Variants in TAFA1 observed in about 807,000 individuals in gnomAD.
TAFA1 encodes the protein TAFA chemokine like family member 1.
Under a neutral mutation model 18.5 loss-of-function variants are expected in TAFA1, and 4 were observed. That is an observed-to-expected ratio of 0.22 (90% confidence interval 0.11 to 0.49). The LOEUF (loss-of-function observed/expected upper bound fraction) is 0.49, where lower values mean the gene tolerates loss of function less well. Among genes scored for constraint, TAFA1 ranks in the 20% least tolerant of loss-of-function variants. The pLI, the probability that TAFA1 is intolerant of heterozygous loss-of-function variation, is 0.98. For missense variants in TAFA1, 147 were observed against 169.0 expected, an observed-to-expected ratio of 0.87 and a Z score of 0.72; for synonymous variants, 56 against 55.2, an observed-to-expected ratio of 1.01 and a Z score of -0.06.
At chr3:68,305,440 TA>T in intron 2 of TAFA1, among the ~76,000 whole-genome samples, 2 of 115,420 alleles carry the variant, frequency 1.7e-5, no homozygotes, top group Admixed American at 1.7e-4. Context: ...TATATATATA[TA>T]TATATATATA....
intron 2 of TAFA1, among the ~76,000 whole-genome samples, chr3:68,350,742 A>C (rs952757741): frequency 6.6e-6 from 1 of 152,084 alleles, no homozygotes; most frequent in Non-Finnish European, 1.5e-5. Flanking sequence ...GCATTGATGA[A>C]GAGGTTGTTT....
chr3:68,352,904 T>G (rs1026011860), intron 2 of TAFA1, among the ~76,000 whole-genome samples: 1 of 152,028 alleles, frequency 6.6e-6, no homozygotes, highest in African/African-American at 2.4e-5. Flanking sequence ...CTACCTATGA[T>G]GACCTTCCCA....
intron 2 of TAFA1, among the ~76,000 whole-genome samples, chr3:68,041,402 A>G (rs1253533615): frequency 6.6e-6 from 1 of 152,252 alleles, no homozygotes; most frequent in East Asian, 1.9e-4. Context: ...TGCAATGGCA[A>G]CATTCTTACT....
At chr3:68,107,655 A>T (rs1008610894) in intron 2 of TAFA1, among the ~76,000 whole-genome samples, 1 of 152,166 alleles carries the variant, frequency 6.6e-6, no homozygotes, top group Non-Finnish European at 1.5e-5. Context: ...CTATTAGTCC[A>T]TCAAATGAAT....
intron 2 of TAFA1, among the ~76,000 whole-genome samples, chr3:68,388,474 C>T (rs1341436020): frequency 2.0e-5 from 3 of 151,972 alleles, no homozygotes; most frequent in Admixed American, 6.6e-5. Flanking sequence ...TATATTTTTG[C>T]ATTTTTTCTC....
chr3:68,479,069 A>G (rs1424526747), intron 3 of TAFA1, among the ~76,000 whole-genome samples: 2 of 150,610 alleles, frequency 1.3e-5, no homozygotes, highest in East Asian at 3.9e-4. Context: ...CATCTCTACT[A>G]AAAATACAAA....
intron 2 of TAFA1, among the ~76,000 whole-genome samples, chr3:68,328,769 T>C (rs35659226): frequency 0.14 from 21,347 of 152,060 alleles, 1,843 homozygotes; most frequent in East Asian, 0.38. Context: ...ATAATAAATA[T>C]GTATATGGCC....
chr3:68,284,565 T>C (rs1397793880), intron 2 of TAFA1, among the ~76,000 whole-genome samples: 2 of 152,168 alleles, frequency 1.3e-5, no homozygotes, highest in African/African-American at 4.8e-5. Flanking sequence ...ACTACCTAAG[T>C]GTCCATCAAT....
chr3:68,271,777 T>A (rs893223620), intron 2 of TAFA1, among the ~76,000 whole-genome samples: 5 of 151,888 alleles, frequency 3.3e-5, no homozygotes, highest in African/African-American at 1.2e-4. Context: ...CCTTCCATAT[T>A]AGATTTTTCT....
chr3:68,143,947 C>T (rs967823180), intron 2 of TAFA1, among the ~76,000 whole-genome samples: 5 of 151,988 alleles, frequency 3.3e-5, no homozygotes, highest in Admixed American at 3.3e-4. Flanking sequence ...GCTGCATATC[C>T]AACATGCTCT....
chr3:68,404,800 AAG>A (rs2070565542), intron 2 of TAFA1, among the ~76,000 whole-genome samples: 1 of 150,392 alleles, frequency 6.6e-6, no homozygotes, highest in African/African-American at 2.5e-5. Flanking sequence ...CTGCTTCAAA[AAG>A]AAAAAAAAAA....
intron 3 of TAFA1, among the ~76,000 whole-genome samples, chr3:68,453,989 C>A (rs1198883040): frequency 6.6e-6 from 1 of 152,172 alleles, no homozygotes; most frequent in Non-Finnish European, 1.5e-5. Context: ...GAAATTAATT[C>A]TTTGCACATC....
At chr3:68,543,858 C>T (rs1473665819) in intron 4 of TAFA1, among the ~76,000 whole-genome samples, 1 of 152,078 alleles carries the variant, frequency 6.6e-6, no homozygotes, top group Non-Finnish European at 1.5e-5. Flanking sequence ...CCCTTGAACA[C>T]AGTGTCATTG....
chr3:68,539,196 A>G (rs979418705), intron 4 of TAFA1, among the ~76,000 whole-genome samples: 1 of 152,204 alleles, frequency 6.6e-6, no homozygotes, highest in Non-Finnish European at 1.5e-5. Flanking sequence ...CAGAATGATA[A>G]TCAAATGAAC....
At chr3:68,506,950 T>C (rs1306359381) in intron 3 of TAFA1, among the ~76,000 whole-genome samples, 2 of 151,460 alleles carry the variant, frequency 1.3e-5, no homozygotes, top group Non-Finnish European at 3.0e-5. Context: ...GTGTTTATTA[T>C]GGCCTCACGC....
chr3:68,335,144 A>G (rs1321640832), intron 2 of TAFA1, among the ~76,000 whole-genome samples: 1 of 152,154 alleles, frequency 6.6e-6, no homozygotes, highest in Non-Finnish European at 1.5e-5. Flanking sequence ...CCTTTTATTT[A>G]TAAGAGCGTT....
intron 2 of TAFA1, among the ~76,000 whole-genome samples, chr3:68,199,505 C>G (rs1432104525): frequency 6.6e-6 from 1 of 151,472 alleles, no homozygotes; most frequent in African/African-American, 2.4e-5. Context: ...TGGAATTTTT[C>G]TCCATTTATT....
chr3:68,341,151 G>T (rs1320863110), intron 2 of TAFA1, among the ~76,000 whole-genome samples: 4 of 152,220 alleles, frequency 2.6e-5, no homozygotes, highest in African/African-American at 9.6e-5. Flanking sequence ...AGGTGGCTGT[G>T]TGGGAGACCA....
chr3:68,014,093 C>T (rs952292784), intron 2 of TAFA1, among the ~76,000 whole-genome samples: 4 of 152,182 alleles, frequency 2.6e-5, no homozygotes, highest in Non-Finnish European at 4.4e-5. Context: ...TAAATCCAAG[C>T]TGAATCTGTG....
Sources: allele counts gnomAD v4.1 joint callset (sites outside exome capture counted in the v4.1 genomes callset), GRCh38; gene constraint gnomAD v4.1.1; transcripts MANE v1.5; gene names NCBI Gene and HGNC (gene_info 2026-07-23, HGNC 2026-07-21).